The following RBM18 variants were observed in gnomAD, a reference collection of about 807,000 sequenced individuals.
RBM18 encodes the protein RNA binding motif protein 18, also known as probable RNA-binding protein 18.
Under a neutral mutation model 26.4 loss-of-function variants are expected in RBM18, and 18 were observed. The observed-to-expected ratio is 0.68, with a 90% confidence interval of 0.47 to 1.01. The LOEUF is 1.01. Among genes scored for constraint, RBM18 ranks in the 50% least tolerant of loss-of-function variants. The probability of loss-of-function intolerance (pLI) is 0.00; values close to 1 mark genes in which losing one functional copy is unlikely to be tolerated. For synonymous variants in RBM18, 74 were observed against 81.1 expected, an observed-to-expected ratio of 0.91 and a Z score of 0.47; for missense variants, 180 against 219.2, an observed-to-expected ratio of 0.82 and a Z score of 1.13.
chr9:122,248,172 T>C (rs1438245750), intron 3 of RBM18, among the ~76,000 whole-genome samples: 6 of 152,204 alleles, frequency 3.9e-5, no homozygotes, highest in African/African-American at 1.2e-4. Context: ...GTCACTTAAG[T>C]GTCTCTAGCT....
chr9:122,247,657 A>G (rs1831526075), intron 3 of RBM18, 53 bp from the exon 4 acceptor site: 2 of 1,371,256 alleles, frequency 1.5e-6, no homozygotes, highest in African/African-American at 1.4e-5. Flanking sequence ...TTAACTAGCT[A>G]TATGTATTCT....
chr9:122,263,124 G>A (rs1265834497), intron 1 of RBM18, among the ~76,000 whole-genome samples: 1 of 152,132 alleles, frequency 6.6e-6, no homozygotes, highest in African/African-American at 2.4e-5. Context: ...AGGAACCATG[G>A]AGGCAGTCAC....
At chr9:122,261,539 G>A (rs1831796291) in intron 1 of RBM18, 31 bp from the exon 2 acceptor site, 2 of 1,348,290 alleles carry the variant, frequency 1.5e-6, no homozygotes, top group South Asian at 2.3e-5. Flanking sequence ...CAGGCAGGAG[G>A]GGAGTAACAA....
At chr9:122,244,142 T>A (rs78149084) in intron 5 of RBM18, among the ~76,000 whole-genome samples, 1 of 149,356 alleles carries the variant, frequency 6.7e-6, no homozygotes. Flanking sequence ...GAGCACGAAA[T>A]AAAAAAAAAA....
chr9:122,248,014 C>T (rs1261748735), intron 3 of RBM18, among the ~76,000 whole-genome samples: 1 of 151,990 alleles, frequency 6.6e-6, no homozygotes, highest in African/African-American at 2.4e-5. Flanking sequence ...TCTCAATCTC[C>T]CAACTTAATG....
At chr9:122,263,251 A>G (rs1831857641) in intron 1 of RBM18, among the ~76,000 whole-genome samples, 1 of 152,130 alleles carries the variant, frequency 6.6e-6, no homozygotes, top group Non-Finnish European at 1.5e-5. Context: ...TTCCTTTCCC[A>G]TTCACATCTT....
Position 122,251,915 on chromosome 9 carries a change from A to C in RBM18, c.172T>G (p.Phe58Val). 6.2e-7 allele frequency: 1 copy of C among 1,614,164 alleles called. No homozygotes were observed. Among genetic ancestry groups the C allele is most frequent in the African/African-American group, 1.3e-5 (1 of 75,052 alleles). Reference sequence around the variant, plus strand: ...CCCTCCAAAGCACCTGACTTGTGGAAGAGGAAGTCAAACTGCTTTACCTTG... The same window carrying C: ...CCCTCCAAAGCACCTGACTTGTGGACGAGGAAGTCAAACTGCTTTACCTTG... ...FGKVKQFDFL[F>V]HKSGALEGQP... The change falls in exon 3 of 6, where the codon TTC becomes GTC. Residue 58 changes from phenylalanine to valine, a missense_variant. Physicochemically the swap from Phe to Val is conservative, Grantham distance 50 (BLOSUM62 -1). Transcript: ENST00000417201.
intron 1 of RBM18, 36 bp downstream of exon 1, chr9:122,264,679 C>T (rs1357549120): frequency 2.6e-5 from 4 of 152,268 alleles, no homozygotes; most frequent in African/African-American, 9.6e-5. Flanking sequence ...GCGGGCCCAT[C>T]GCTGAGGTGC....
chr9:122,260,705 C>T (rs1333630670), intron 2 of RBM18, among the ~76,000 whole-genome samples: 1 of 152,076 alleles, frequency 6.6e-6, no homozygotes, highest in East Asian at 1.9e-4. Flanking sequence ...ACAGGGATGG[C>T]CAAAGAAAGG....
At chr9:122,249,720 C>T (rs1831567320) in intron 3 of RBM18, among the ~76,000 whole-genome samples, 1 of 147,542 alleles carries the variant, frequency 6.8e-6, no homozygotes, top group South Asian at 2.2e-4. Flanking sequence ...AAAAAAAAAA[C>T]AACAACAAAA....
intron 2 of RBM18, among the ~76,000 whole-genome samples, chr9:122,259,373 A>G (rs1344409256): frequency 6.6e-6 from 1 of 152,174 alleles, no homozygotes; most frequent in Non-Finnish European, 1.5e-5. Context: ...GATGATGGAA[A>G]AAATTTCTTT....
rs1831382548 is a variant in RBM18 at position 122,239,774 on chromosome 9, T to C, written c.*2110A>G. On this transcript the variant is annotated 3_prime_UTR_variant, in exon 6 of 6. Coordinates refer to ENST00000417201, the MANE Select transcript of RBM18 (RefSeq NM_033117.4). ...ACAACTTCTTTTCAAATAGTGACAT[T>C]TGCAATGGAAACAGCTGGTCTCTAT... 1 of 152,230 alleles carries C rather than the reference T, an allele frequency of 6.6e-6. No homozygotes were observed. The highest frequency in any genetic ancestry group is 1.5e-5 in the Non-Finnish European group (1 of 68,048). The allele number at this position is 152,230 out of a possible 1,614,324, so 9.4% of individuals were successfully genotyped here.
At chr9:122,253,095 G>A (rs1228350677) in intron 2 of RBM18, among the ~76,000 whole-genome samples, 2 of 152,158 alleles carry the variant, frequency 1.3e-5, no homozygotes, top group Admixed American at 6.5e-5. Context: ...CAGCCCACAT[G>A]CTAAATCTGT....
intron 2 of RBM18, 75 bp from the exon 3 acceptor site, chr9:122,252,048 G>A (rs914408034): frequency 1.3e-6 from 2 of 1,582,650 alleles, no homozygotes; most frequent in African/African-American, 2.7e-5. Context: ...TGAGATAAAA[G>A]CAGGAGATAA....
intron 1 of RBM18, among the ~76,000 whole-genome samples, chr9:122,262,357 G>C (rs1312840796): frequency 6.6e-6 from 1 of 152,176 alleles, no homozygotes; most frequent in Non-Finnish European, 1.5e-5. Context: ...TGAAATTACA[G>C]TGCAGATTCA....
chr9:122,261,193 G>A (rs1372100397), intron 2 of RBM18, among the ~76,000 whole-genome samples, 187 bp downstream of exon 2: 1 of 152,120 alleles, frequency 6.6e-6, no homozygotes, highest in Non-Finnish European at 1.5e-5. Context: ...CTGTGTCCTT[G>A]CAGTAGCAGA....
intron 5 of RBM18, among the ~76,000 whole-genome samples, chr9:122,243,540 G>C (rs1831458158): frequency 1.3e-5 from 2 of 152,140 alleles, no homozygotes; most frequent in Admixed American, 6.5e-5. Context: ...GCTATCCCTG[G>C]ATCAGAATGC....
chr9:122,262,202 T>C (rs1357678540), intron 1 of RBM18, among the ~76,000 whole-genome samples: 1 of 152,220 alleles, frequency 6.6e-6, no homozygotes, highest in African/African-American at 2.4e-5. Context: ...TCATGCTTAC[T>C]CTTTTGGGAC....
chr9:122,261,350 A>C, intron 2 of RBM18, 30 bp downstream of exon 2: 4 of 1,444,436 alleles, frequency 2.8e-6, no homozygotes, highest in Non-Finnish European at 3.9e-6. Flanking sequence ...CCAATATTGT[A>C]GGTAAAAAAC....
Sources: gnomAD v4.1 joint callset for allele counts (sites outside exome capture counted in the v4.1 genomes callset) on GRCh38, gnomAD v4.1.1 for gene constraint, MANE v1.5 for transcripts, NCBI Gene and HGNC (gene_info 2026-07-23, HGNC 2026-07-21) for gene names.